Variants in NLGN1 observed in about 807,000 individuals in gnomAD.
NLGN1 encodes neuroligin-1.
Under a neutral mutation model 65.5 loss-of-function variants are expected in NLGN1, and 12 were observed. That is an observed-to-expected ratio of 0.18 (90% CI 0.12 to 0.30). NLGN1 has a LOEUF of 0.30. NLGN1 is among the 10% of genes least tolerant of loss of function. The pLI is 1.00. For missense variants in NLGN1, 750 were observed against 1,007.1 expected (o/e 0.74, Z 3.46); for synonymous variants, 350 against 359.5 (o/e 0.97, Z 0.30).
At chr3:173,508,782 T>C (rs1732450444) in intron 2 of NLGN1, among the ~76,000 whole-genome samples, 2 of 152,142 alleles carry the variant, frequency 1.3e-5, no homozygotes, top group Non-Finnish European at 2.9e-5. Context: ...TCTCCAGTCT[T>C]ATCGAACTCT....
At chr3:174,138,906 T>A (rs1280359079) in intron 4 of NLGN1, among the ~76,000 whole-genome samples, 2 of 152,166 alleles carry the variant, frequency 1.3e-5, no homozygotes, top group Non-Finnish European at 2.9e-5. Flanking sequence ...AATTAAATTA[T>A]CTGGTTTAAT....
At chr3:173,588,868 A>G (rs905673041) in intron 2 of NLGN1, among the ~76,000 whole-genome samples, 12 of 152,198 alleles carry the variant, frequency 7.9e-5, no homozygotes, top group African/African-American at 2.9e-4. Flanking sequence ...ATAGCAACAC[A>G]GCACTTCAAT....
chr3:173,637,409 C>A (rs981760278), intron 3 of NLGN1, among the ~76,000 whole-genome samples: 1 of 152,004 alleles, frequency 6.6e-6, no homozygotes, highest in Non-Finnish European at 1.5e-5. Context: ...CTAAATGACC[C>A]CTATTGGTGT....
chr3:173,906,718 AG>A (rs1271665698), intron 4 of NLGN1, among the ~76,000 whole-genome samples: 2 of 152,056 alleles, frequency 1.3e-5, no homozygotes, highest in East Asian at 3.9e-4. Context: ...CAGGCATAGT[AG>A]GTGCACCCGT....
At chr3:173,709,602 G>A (rs1768595933) in intron 3 of NLGN1, among the ~76,000 whole-genome samples, 1 of 151,826 alleles carries the variant, frequency 6.6e-6, no homozygotes, top group African/African-American at 2.4e-5. Context: ...AGGAGTTCGA[G>A]ACCAGCCTGT....
intron 4 of NLGN1, among the ~76,000 whole-genome samples, chr3:174,012,967 G>A (rs527564594): frequency 6.6e-6 from 1 of 152,312 alleles, no homozygotes; most frequent in East Asian, 1.9e-4. Context: ...AGACAGTGAG[G>A]AGGGAAAGCA....
intron 4 of NLGN1, among the ~76,000 whole-genome samples, chr3:173,984,699 G>T (rs1719511134): frequency 6.6e-6 from 1 of 152,162 alleles, no homozygotes; most frequent in Admixed American, 6.6e-5. Flanking sequence ...AGCATGAGAA[G>T]TGCTGAACTA....
At chr3:174,268,978 G>A (rs1436744566) in intron 4 of NLGN1, among the ~76,000 whole-genome samples, 2 of 150,778 alleles carry the variant, frequency 1.3e-5, no homozygotes, top group Non-Finnish European at 1.5e-5. Context: ...TTTTTCCAAA[G>A]GATACACATA....
At chr3:173,513,951 C>T (rs972670769) in intron 2 of NLGN1, among the ~76,000 whole-genome samples, 1 of 152,064 alleles carries the variant, frequency 6.6e-6, no homozygotes, top group Non-Finnish European at 1.5e-5. Context: ...TCGTTTGAAC[C>T]CAGTAGGCAG....
intron 4 of NLGN1, among the ~76,000 whole-genome samples, chr3:173,987,034 C>T (rs1388278217): frequency 6.6e-6 from 1 of 152,160 alleles, no homozygotes; most frequent in Non-Finnish European, 1.5e-5. Context: ...AATGAAATTA[C>T]TTTGAAACCC....
intron 3 of NLGN1, among the ~76,000 whole-genome samples, chr3:173,683,080 T>A (rs1436383555): frequency 6.6e-6 from 1 of 152,176 alleles, no homozygotes; most frequent in Non-Finnish European, 1.5e-5. Context: ...TGTGGTTAGT[T>A]TTAAAAAATA....
intron 4 of NLGN1, among the ~76,000 whole-genome samples, chr3:174,063,958 A>T (rs978360980): frequency 6.6e-6 from 1 of 152,172 alleles, no homozygotes; most frequent in Non-Finnish European, 1.5e-5. Context: ...CCTGGCCAAC[A>T]TGGTAAAACC....
chr3:174,177,944 A>G (rs1729744367), intron 4 of NLGN1, among the ~76,000 whole-genome samples: 1 of 152,106 alleles, frequency 6.6e-6, no homozygotes, highest in Admixed American at 6.6e-5. Flanking sequence ...TGAAGTGATA[A>G]GAGCATCAGT....
At chr3:174,061,775 A>C (rs1238473917) in intron 4 of NLGN1, among the ~76,000 whole-genome samples, 1 of 152,126 alleles carries the variant, frequency 6.6e-6, no homozygotes, top group African/African-American at 2.4e-5. Flanking sequence ...CTACTCTATA[A>C]AGTGCAGAAG....
At chr3:173,698,483 C>A (rs1015506863) in intron 3 of NLGN1, among the ~76,000 whole-genome samples, 3 of 152,244 alleles carry the variant, frequency 2.0e-5, no homozygotes, top group African/African-American at 7.2e-5. Flanking sequence ...CAACCGTATT[C>A]CCTTTTGATG....
chr3:173,809,127 G>A (rs948307080), intron 4 of NLGN1, among the ~76,000 whole-genome samples: 2 of 152,042 alleles, frequency 1.3e-5, no homozygotes, highest in Non-Finnish European at 2.9e-5. Flanking sequence ...AAAATATTCT[G>A]TAGCACTGAT....
At chr3:173,600,200 T>TCACAGAC (rs1187383560) in intron 2 of NLGN1, among the ~76,000 whole-genome samples, 1 of 145,100 alleles carries the variant, frequency 6.9e-6, no homozygotes, top group Non-Finnish European at 1.5e-5. Context: ...TACATGTGTG[T>TCACAGAC]ACACACACAC....
intron 4 of NLGN1, among the ~76,000 whole-genome samples, chr3:174,150,693 T>C (rs1278909404): frequency 3.3e-5 from 5 of 152,100 alleles, no homozygotes; most frequent in Admixed American, 1.3e-4. Context: ...ACCCATTATC[T>C]AGCAGAGATT....
At chr3:174,132,606 C>T (rs1720417135) in intron 4 of NLGN1, among the ~76,000 whole-genome samples, 1 of 152,120 alleles carries the variant, frequency 6.6e-6, no homozygotes, top group Non-Finnish European at 1.5e-5. Context: ...TAAGCACTTC[C>T]CAGAGTTCAA....
Sources: allele counts gnomAD v4.1 joint callset (sites outside exome capture counted in the v4.1 genomes callset), GRCh38; gene constraint gnomAD v4.1.1; transcripts MANE v1.5; gene names NCBI Gene and HGNC (gene_info 2026-07-23, HGNC 2026-07-21).